The following SLF2 variants were observed in gnomAD, a reference collection of about 807,000 sequenced individuals.
The protein encoded by SLF2 is SMC5-SMC6 complex localization factor protein 2.
Under a neutral mutation model 124.3 loss-of-function variants are expected in SLF2, and 68 were observed. That is an observed-to-expected ratio of 0.55 (90% CI 0.45 to 0.67). SLF2 has a LOEUF of 0.67. Among genes scored for constraint, SLF2 ranks in the 30% least tolerant of loss-of-function variants. SLF2 has a pLI of 0.00. For missense variants in SLF2, 1,246 were observed against 1,373.7 expected, an observed-to-expected ratio of 0.91 and a Z score of 1.47; for synonymous variants, 480 against 478.8, an observed-to-expected ratio of 1.00 and a Z score of -0.03.
chr10:100,919,881 T>A lies in SLF2; in HGVS notation c.973+1440T>A, dbSNP rs183812610. ...CCAAAGTACAGAGAGTCAGTTCTAA[T>A]TCCTCCTTCAGGTTTCATCTACTTC... On this transcript the variant is annotated intron_variant, in intron 4 of 19. Transcript: ENST00000238961. Among the ~76,000 whole-genome samples the A allele has an allele frequency of 1.6e-4, 24 of 152,348 alleles. No homozygotes were observed. In the East Asian group the frequency reaches 4.4e-3, roughly 28 times the overall value.
chr10:100,918,938 A>G (rs929772584), intron 4 of SLF2, among the ~76,000 whole-genome samples: 1 of 142,136 alleles, frequency 7.0e-6, no homozygotes, highest in Non-Finnish European at 1.5e-5. Flanking sequence ...TCCTAACAGT[A>G]TGTTTCTCAT....
chr10:100,943,854 G>A lies in SLF2; in HGVS notation c.2655-172G>A, dbSNP rs1256425320. 4 of 437,498 alleles carry A rather than the reference G, an allele frequency of 9.1e-6. No individual in the cohort carries two copies. The Admixed American group carries it at 1.8e-4, about 19-fold the overall frequency. 27.1% of individuals were successfully genotyped at this position (437,498 alleles called of 1,614,324 possible). A position where few individuals can be genotyped will look rare whatever the true frequency, so the allele number is the denominator to read the frequency against. On this transcript the variant is annotated intron_variant, in intron 11 of 19. Transcript: ENST00000238961. Reference sequence around the variant, plus strand: ...AAATGTTCTATTTCTTGATTTGGATGGTGGTTACATTAGTATATATGATTA... The same window carrying A: ...AAATGTTCTATTTCTTGATTTGGATAGTGGTTACATTAGTATATATGATTA...
intron 5 of SLF2, 144 bp downstream of exon 5, chr10:100,925,116 G>A (rs1489858219): frequency 1.1e-6 from 1 of 941,670 alleles, no homozygotes; most frequent in Non-Finnish European, 1.5e-6. Context: ...TTCTTGTTTG[G>A]TAAATGAGTT....
At chr10:100,945,610 G>T in intron 13 of SLF2, 104 bp downstream of exon 13, 2 of 897,606 alleles carry the variant, frequency 2.2e-6, no homozygotes, top group East Asian at 3.4e-5. Context: ...GATCTTTGGC[G>T]GATTAAAAAT....
At chr10:100,935,969 C>T (rs1849846094) in intron 9 of SLF2, among the ~76,000 whole-genome samples, 1 of 150,360 alleles carries the variant, frequency 6.7e-6, no homozygotes, top group African/African-American at 2.4e-5. Context: ...AGTGATCCTC[C>T]CCCCTCAGCC....
chr10:100,949,956 A>C, intron 15 of SLF2, 120 bp from the exon 16 acceptor site: 1 of 968,094 alleles, frequency 1.0e-6, no homozygotes, highest in Non-Finnish European at 1.5e-6. Flanking sequence ...GATATTGTTA[A>C]GTGTAAAGAA....
rs1849722711 is a variant in SLF2 at position 100,931,015 on chromosome 10, T to A, written c.2373T>A (p.Gly791=). 6.2e-7 allele frequency: 1 copy of A among 1,614,114 alleles called. No homozygotes were observed. Among genetic ancestry groups the A allele is most frequent in the Non-Finnish European group, 8.5e-7 (1 of 1,179,994 alleles). The stretch of plus-strand genomic sequence containing the variant: ...ATCAGATTTTTTTGACAACACAAGG[T>A]TTCCTTACGTCTGCTTATCACTATG... ...KTDQIFLTTQ[G]FLTSAYHYVQ... Residue 791 remains glycine (G), a synonymous_variant, in exon 9 of 20, where the codon GGT becomes GGA. Transcript: ENST00000238961.
At chr10:100,928,984 A>G (rs990709794) in intron 6 of SLF2, among the ~76,000 whole-genome samples, 4 of 152,092 alleles carry the variant, frequency 2.6e-5, no homozygotes, top group Non-Finnish European at 5.9e-5. Flanking sequence ...ATTCTTTGCC[A>G]TTTTTCCTTT....
At position 100,947,329 on chromosome 10, in the gene SLF2, A is replaced by AT. The variant is rs879901254; in HGVS notation, c.3032+206dup. On this transcript the variant is annotated intron_variant, in intron 14 of 19. Transcript: ENST00000238961. ...AATTCTTAACTCAGGTCATTATGTAATTTTTTTTTTTTTGAGACAAGAGTC... is the reference window on the plus strand; with the variant it reads ...AATTCTTAACTCAGGTCATTATGTAATTTTTTTTTTTTTTGAGACAAGAGTC... Among the ~76,000 whole-genome samples, 1,379 of 144,552 alleles carry AT rather than the reference A, an allele frequency of 9.5e-3. 15 individuals carry two copies. The highest frequency in any genetic ancestry group is 0.03 in the African/African-American group (1,173 of 39,666). The allele number at this position is 144,552 out of a possible 152,430, so 94.8% of individuals were successfully genotyped here.
chr10:100,924,776 C>T lies in SLF2; in HGVS notation c.1775C>T (p.Ala592Val). The T allele has an allele frequency of 6.2e-7, 1 of 1,614,110 alleles. No homozygotes were observed. Among genetic ancestry groups the T allele is most frequent in the South Asian group, 1.1e-5 (1 of 91,084 alleles). Residue 592 changes from alanine (A) to valine (V), a missense_variant, in exon 5 of 20, where the codon GCA becomes GTA. Coordinates refer to ENST00000238961, the MANE Select transcript of SLF2 (RefSeq NM_018121.4). ...SSGNSNAGSS[A>V]LKRKLRGDFD... ...GGAAATTCCAATGCAGGTAGCAGTGCACTGAAAAGAAAACTAAGGGGTGAT... is the reference window on the plus strand; with the variant it reads ...GGAAATTCCAATGCAGGTAGCAGTGTACTGAAAAGAAAACTAAGGGGTGAT...
intron 10 of SLF2, 59 bp from the exon 11 acceptor site, chr10:100,938,536 T>G: frequency 1.3e-6 from 2 of 1,525,810 alleles, no homozygotes; most frequent in Non-Finnish European, 8.8e-7. Flanking sequence ...ACTGTCACCT[T>G]GCAAATGTGG....
rs932519801 is a variant in SLF2 at position 100,931,661 on chromosome 10, G to A, written c.2436+583G>A. ...GTTCTGGTGTTACTCTAGATACTTC[G>A]GACCTTCATGCAGATAAATGTAGAA... is the stretch of plus-strand genomic sequence containing the variant. On this transcript the variant is annotated intron_variant, in intron 9 of 19. Coordinates refer to ENST00000238961, the MANE Select transcript of SLF2 (RefSeq NM_018121.4). 2.0e-5 allele frequency among the ~76,000 whole-genome samples: 3 copies of A among 151,940 alleles called. No homozygotes were observed. In the East Asian group the frequency reaches 5.8e-4, roughly 29 times the overall value.
chr10:100,936,208 C>T (rs916646722), intron 9 of SLF2, among the ~76,000 whole-genome samples: 1 of 151,874 alleles, frequency 6.6e-6, no homozygotes, highest in Non-Finnish European at 1.5e-5. Flanking sequence ...GGCATTAAGA[C>T]TGCTTTCCTC....
intron 14 of SLF2, 24 bp downstream of exon 14, chr10:100,947,160 A>G (rs1850120901): frequency 3.6e-6 from 5 of 1,384,798 alleles, no homozygotes; most frequent in Non-Finnish European, 2.9e-6. Context: ...AAAATTAAAC[A>G]TTAAGAAATT....
intron 17 of SLF2, among the ~76,000 whole-genome samples, chr10:100,953,929 G>A (rs1850274968): frequency 6.6e-6 from 1 of 152,044 alleles, no homozygotes; most frequent in African/African-American, 2.4e-5. Flanking sequence ...TGGTATTACA[G>A]GCGTGAGCCA....
At chr10:100,933,618 C>T (rs988289810) in intron 9 of SLF2, among the ~76,000 whole-genome samples, 14 of 151,394 alleles carry the variant, frequency 9.2e-5, no homozygotes, top group African/African-American at 3.2e-4. Flanking sequence ...AAAAGGAATT[C>T]AGGTTTGATT....
intron 10 of SLF2, among the ~76,000 whole-genome samples, 175 bp downstream of exon 10, chr10:100,937,652 G>A (rs999109416): frequency 6.6e-6 from 1 of 150,676 alleles, no homozygotes; most frequent in Non-Finnish European, 1.5e-5. Flanking sequence ...GCTGTCGCCC[G>A]GGCTGAAGTG....
intron 9 of SLF2, among the ~76,000 whole-genome samples, chr10:100,932,720 T>TGTGCGTGTGCGC (rs763852210): frequency 2.8e-5 from 1 of 36,226 alleles, no homozygotes. Context: ...TGTGTGTGTG[T>TGTGCGTGTGCGC]GCGCGCGCGC....
chr10:100,943,966 C>T, intron 11 of SLF2, 60 bp from the exon 12 acceptor site: 1 of 1,089,354 alleles, frequency 9.2e-7, no homozygotes, highest in Non-Finnish European at 1.3e-6. Flanking sequence ...CCCAGAATTT[C>T]TTAAAGTGAG....
Sources: gnomAD v4.1 joint callset for allele counts (sites outside exome capture counted in the v4.1 genomes callset) on GRCh38, gnomAD v4.1.1 for gene constraint, MANE v1.5 for transcripts, NCBI Gene and HGNC (gene_info 2026-07-23, HGNC 2026-07-21) for gene names.